Variants in BCO2 observed in about 807,000 individuals in gnomAD.
BCO2 encodes the protein beta-carotene oxygenase 2.
Under a neutral mutation model 65.8 loss-of-function variants are expected in BCO2, and 56 were observed. The observed-to-expected ratio is 0.85, with a 90% CI of 0.69 to 1.06. The LOEUF (loss-of-function observed/expected upper bound fraction) is 1.06, where lower values mean the gene tolerates loss of function less well. Among genes scored for constraint, BCO2 ranks in the 50% least tolerant of loss-of-function variants. The probability of loss-of-function intolerance (pLI) is 0.00; values close to 1 mark genes in which losing one functional copy is unlikely to be tolerated. For missense variants in BCO2, 675 were observed against 698.5 expected (o/e 0.97, Z 0.38); for synonymous variants, 233 against 242.3 (o/e 0.96, Z 0.36).
chr11:112,194,545 C>A, intron 4 of BCO2, 108 bp from the exon 5 acceptor site: 1 of 695,994 alleles, frequency 1.4e-6, no homozygotes, highest in Non-Finnish European at 2.5e-6. Context: ...TTAGGGCTTA[C>A]ATTGCAGTTT....
intron 7 of BCO2, 45 bp from the exon 8 acceptor site, chr11:112,201,978 A>G (rs774022237): frequency 1.3e-6 from 2 of 1,498,834 alleles, no homozygotes; most frequent in Non-Finnish European, 1.8e-6. Context: ...GAAAAAGAAG[A>G]AAACTAAAAA....
chr11:112,190,290 A>G (rs906118937), intron 2 of BCO2, among the ~76,000 whole-genome samples: 1 of 152,176 alleles, frequency 6.6e-6, no homozygotes. Flanking sequence ...TCTCTTAAAA[A>G]AGAAGTACAA....
chr11:112,193,975 C>A lies in BCO2; in HGVS notation c.614C>A (p.Thr205Asn). 6.3e-7 allele frequency: 1 copy of A among 1,598,294 alleles called. No individual in the cohort carries two copies. ...TNFMNKVDIE[T>N]LEKTEKVDWS... is the part of the protein sequence containing the mutation. ...TTTATGAATAAAGTGGACATTGAAA[C>A]TCTGGAAAAAACAGAAAAGGTAAAG... The change falls in exon 4 of 12, where the codon ACT becomes AAT. Residue 205 changes from threonine (T) to asparagine (N), a missense_variant. Thr to Asn is a moderately conservative substitution (Grantham distance 65, BLOSUM62 0). Transcript: ENST00000357685.
Position 112,218,885 on chromosome 11 carries a change from G to A in BCO2, c.*1011G>A, listed in dbSNP as rs57840282. On this transcript the variant is annotated 3_prime_UTR_variant, in exon 12 of 12. Coordinates refer to ENST00000357685, the MANE Select transcript of BCO2 (RefSeq NM_031938.7). ...AGAGGGTTTTAAATTTCATTTATTG[G>A]ATATATCTTCCTCTAGGTAATAATA... 3.3e-5 allele frequency: 5 copies of A among 152,038 alleles called. No homozygotes were observed. The highest frequency in any genetic ancestry group is 1.2e-4 in the African/African-American group (5 of 41,358). 9.4% of individuals were successfully genotyped at this position (152,038 alleles called of 1,614,324 possible).
rs765264497 is a variant in BCO2 at position 112,175,585 on chromosome 11, A to G, written c.-17A>G. The G allele has an allele frequency of 5.7e-6, 9 of 1,591,336 alleles. No homozygotes were observed. Among genetic ancestry groups the G allele is most frequent in the Non-Finnish European group, 6.9e-6 (8 of 1,159,310 alleles). On this transcript the variant is annotated 5_prime_UTR_variant, in exon 1 of 12. Coordinates refer to ENST00000357685, the MANE Select transcript of BCO2 (RefSeq NM_031938.7). ...TGTGAGAGGATTTGGAAATCACTGG[A>G]TCTGCTCAATACAAAAATGTTTTTT...
At chr11:112,208,590 C>A in intron 8 of BCO2, 1 of 226,482 alleles carries the variant, frequency 4.4e-6, no homozygotes, top group Non-Finnish European at 8.8e-6. Flanking sequence ...TGTCCCTTCT[C>A]GGGGGTCATG....
intron 9 of BCO2, among the ~76,000 whole-genome samples, chr11:112,214,472 A>G (rs887414431): frequency 2.0e-5 from 3 of 152,344 alleles, no homozygotes; most frequent in Admixed American, 2.0e-4. Context: ...TTTAGATAAT[A>G]TGTGCTTAGC....
In BCO2 at chr11:112,218,042, C is replaced by T. The variant is rs577031006; in HGVS notation, c.*168C>T. ...ATGTTCCCTATTTGGGTGATGGGTT[C>T]GTTAGAAGTCCAAACCTCAGCAGCA... is the stretch of plus-strand genomic sequence containing the variant. On this transcript the variant is annotated 3_prime_UTR_variant, in exon 12 of 12. Coordinates refer to ENST00000357685, the MANE Select transcript of BCO2 (RefSeq NM_031938.7). 8.7e-4 allele frequency: 476 copies of T among 544,684 alleles called. 2 individuals carry two copies. Among genetic ancestry groups the T allele is most frequent in the Non-Finnish European group, 1.4e-3 (439 of 307,538 alleles). The allele number at this position is 544,684 out of a possible 1,614,324, so 33.7% of individuals were successfully genotyped here. A position where few individuals can be genotyped will look rare whatever the true frequency, so the allele number is the denominator to read the frequency against.
At chr11:112,194,472 G>T (rs1867501915) in intron 4 of BCO2, 181 bp from the exon 5 acceptor site, 2 of 533,988 alleles carry the variant, frequency 3.7e-6, no homozygotes, top group Admixed American at 7.7e-5. Flanking sequence ...TTTGTTTGTT[G>T]TTTTAATCTT....
intron 1 of BCO2, among the ~76,000 whole-genome samples, chr11:112,177,777 G>A (rs1235594919): frequency 6.6e-6 from 1 of 152,068 alleles, no homozygotes; most frequent in East Asian, 1.9e-4. Context: ...ATTTAGGAGA[G>A]GGCATATTTG....
intron 8 of BCO2, among the ~76,000 whole-genome samples, chr11:112,207,537 A>G (rs1313525218): frequency 2.0e-5 from 3 of 152,180 alleles, no homozygotes; most frequent in Non-Finnish European, 4.4e-5. Context: ...GTTTCTACTT[A>G]TGGTTACTTG....
At chr11:112,207,668 G>C (rs371287062) in intron 8 of BCO2, among the ~76,000 whole-genome samples, 2 of 152,158 alleles carry the variant, frequency 1.3e-5, no homozygotes, top group East Asian at 3.8e-4. Flanking sequence ...AGAATCAGCT[G>C]TCAGTTCCCC....
intron 7 of BCO2, among the ~76,000 whole-genome samples, chr11:112,201,133 G>A (rs1867719594): frequency 6.6e-6 from 1 of 150,454 alleles, no homozygotes. Flanking sequence ...TGATTCTCTG[G>A]CTTCTTTTTC....
At chr11:112,194,505 A>G (rs897164612) in intron 4 of BCO2, 148 bp from the exon 5 acceptor site, 2 of 570,426 alleles carry the variant, frequency 3.5e-6, no homozygotes, top group African/African-American at 4.0e-5. Context: ...TTAGTGGGAA[A>G]AATAATTTTT....
chr11:112,199,628 A>G (rs1175188050), intron 5 of BCO2, 71 bp from the exon 6 acceptor site: 11 of 1,445,238 alleles, frequency 7.6e-6, no homozygotes, highest in Non-Finnish European at 2.8e-6. Flanking sequence ...TGGCAAGTCC[A>G]CAAGTGCAAG....
chr11:112,193,340 C>T (rs1867456083), intron 2 of BCO2, 134 bp from the exon 3 acceptor site: 2 of 830,760 alleles, frequency 2.4e-6, no homozygotes, highest in South Asian at 1.8e-5. Context: ...TTCAAGTTCT[C>T]TGACTAATCA....
chr11:112,175,939 C>G (rs1195356516), intron 1 of BCO2: 10 of 377,470 alleles, frequency 2.6e-5, no homozygotes, highest in Non-Finnish European at 4.8e-5. Flanking sequence ...GATTCAGGGA[C>G]TTGGTATTCT....
At chr11:112,177,208 AG>A (rs1566761947) in intron 1 of BCO2, among the ~76,000 whole-genome samples, 1 of 152,226 alleles carries the variant, frequency 6.6e-6, no homozygotes, top group Non-Finnish European at 1.5e-5. Flanking sequence ...TGTTAATAAA[AG>A]TAGAGTAACA....
At chr11:112,216,815 G>A (rs1403472625) in intron 11 of BCO2, among the ~76,000 whole-genome samples, 1 of 152,190 alleles carries the variant, frequency 6.6e-6, no homozygotes, top group Non-Finnish European at 1.5e-5. Flanking sequence ...TGCACTATCT[G>A]ACTTCTTGTC....
Sources: allele counts gnomAD v4.1 joint callset (sites outside exome capture counted in the v4.1 genomes callset), GRCh38; gene constraint gnomAD v4.1.1; transcripts MANE v1.5; gene names NCBI Gene and HGNC (gene_info 2026-07-23, HGNC 2026-07-21).